The following UHRF1 variants were observed in gnomAD, a reference collection of about 807,000 sequenced individuals.
UHRF1 encodes E3 ubiquitin-protein ligase UHRF1.
UHRF1 carries 9 observed loss-of-function variants against 96.5 expected under a neutral mutation model. The ratio of observed to expected loss-of-function variants is 0.09; its 90% confidence interval spans 0.06 to 0.16. The LOEUF (loss-of-function observed/expected upper bound fraction) is 0.16. Among genes scored for constraint, UHRF1 ranks in the 10% least tolerant of loss-of-function variants. The probability of loss-of-function intolerance (pLI) is 1.00; values close to 1 mark genes in which losing one functional copy is unlikely to be tolerated. For synonymous variants in UHRF1, 455 were observed against 469.9 expected, an observed-to-expected ratio of 0.97 and a Z score of 0.41; for missense variants, 626 against 1,131.1, an observed-to-expected ratio of 0.55 and a Z score of 6.40.
rs1220814674 is a variant in UHRF1, at chr19:4,941,732, G to GC, written c.887-9dup. The GC allele has an allele frequency of 6.5e-7, 1 of 1,546,464 alleles. No individual in the cohort carries two copies. Among genetic ancestry groups the GC allele is most frequent in the Non-Finnish European group, 8.7e-7 (1 of 1,145,028 alleles). ...GGGCCCCGCCGGAGCTGACCCTGCC[G>GC]CCCCGTGCCCAGGGAAGAGCGGGCC... is the stretch of plus-strand genomic sequence containing the variant. On this transcript the variant is annotated splice_polypyrimidine_tract_variant and intron_variant, in intron 6 of 16. Coordinates refer to ENST00000650932, the MANE Select transcript of UHRF1 (RefSeq NM_001048201.3).
rs578084078 is a variant in UHRF1, at chr19:4,941,453, G to A, written c.786-75G>A. The stretch of plus-strand genomic sequence containing the variant: ...GTTGCCCCAGGCATCCCGAGAACCC[G>A]TGGTGTTCAAGTGCTGTGAGTAGAT... On this transcript the variant is annotated intron_variant, in intron 5 of 16. Coordinates refer to ENST00000650932, the MANE Select transcript of UHRF1 (RefSeq NM_001048201.3). The A allele has an allele frequency of 1.8e-5, 21 of 1,165,260 alleles. No individual in the cohort carries two copies. The East Asian group carries it at 3.0e-4, about 17-fold the overall frequency. The allele number at this position is 1,165,260 out of a possible 1,614,324, so 72.2% of individuals were successfully genotyped here.
intron 9 of UHRF1, among the ~76,000 whole-genome samples, chr19:4,945,174 T>C (rs1432789149): frequency 4.6e-5 from 7 of 152,204 alleles, no homozygotes; most frequent in African/African-American, 1.7e-4. Flanking sequence ...TCAAGGCATT[T>C]TGTGGAGTGA....
At chr19:4,946,915 A>G (rs1485735321) in intron 10 of UHRF1, among the ~76,000 whole-genome samples, 190 bp from the exon 11 acceptor site, 1 of 152,032 alleles carries the variant, frequency 6.6e-6, no homozygotes, top group Admixed American at 6.6e-5. Context: ...CACTGTTTGT[A>G]TAGTCGCTTT....
At chr19:4,938,553 G>C (rs190998168) in intron 5 of UHRF1, among the ~76,000 whole-genome samples, 1 of 151,386 alleles carries the variant, frequency 6.6e-6, no homozygotes, top group East Asian at 1.9e-4. Context: ...TTTGAGACAA[G>C]GTCTCACTCT....
upstream of UHRF1, among the ~76,000 whole-genome samples, chr19:4,905,071 A>G (rs1284654094): frequency 1.3e-5 from 2 of 150,778 alleles, no homozygotes; most frequent in Non-Finnish European, 2.9e-5. Context: ...CATTTGGCCC[A>G]GGATGGAATA....
At chr19:4,924,054 C>T (rs920756015) in intron 2 of UHRF1, among the ~76,000 whole-genome samples, 14 of 152,230 alleles carry the variant, frequency 9.2e-5, no homozygotes, top group African/African-American at 3.4e-4. Flanking sequence ...GCAACCTCCA[C>T]CTCCCAGGTT....
At chr19:4,903,526 A>G (rs1238435921) in exon 1 of UHRF1, 2 of 150,792 alleles carry the variant, frequency 1.3e-5, no homozygotes, top group Non-Finnish European at 2.9e-5. Context: ...ATTTTTTGTG[A>G]TGGTCTCACT....
intron 1 of UHRF1, among the ~76,000 whole-genome samples, chr19:4,909,946 G>T (rs922294990): frequency 4.6e-5 from 7 of 151,282 alleles, no homozygotes; most frequent in East Asian, 2.0e-4. Context: ...GCCTGCGCGC[G>T]GGGCGCCCCG....
At chr19:4,921,370 C>T (rs537371337) in intron 2 of UHRF1, among the ~76,000 whole-genome samples, 3 of 152,102 alleles carry the variant, frequency 2.0e-5, no homozygotes, top group African/African-American at 2.4e-5. Flanking sequence ...ACCTGGGAGG[C>T]GGAGGTTGCA....
intron 2 of UHRF1, among the ~76,000 whole-genome samples, chr19:4,925,546 C>A (rs1353577312): frequency 6.6e-6 from 1 of 152,006 alleles, no homozygotes; most frequent in East Asian, 1.9e-4. Context: ...TTTCTTAAGA[C>A]AGTCTTGCTC....
Position 4,954,812 on chromosome 19 carries a change from G to A in UHRF1, c.2120G>A (p.Ser707Asn), listed in dbSNP as rs1232429385. The A allele has an allele frequency of 6.2e-7, 1 of 1,613,578 alleles. No individual in the cohort carries two copies. The highest frequency in any genetic ancestry group is 8.5e-7 in the Non-Finnish European group (1 of 1,179,808). The change falls in exon 15 of 17, where the codon AGC (serine) becomes AAC (asparagine). Residue 707 changes from serine to asparagine, a missense_variant. Physicochemically the swap from Ser to Asn is conservative, Grantham distance 46. Transcript: ENST00000650932. The surrounding 1 kb of genome is among the most constrained non-coding windows in gnomAD (Gnocchi z 5.9). The stretch of plus-strand genomic sequence containing the variant: ...GCGTCACTCAAGGACCGGCCGGCGA[G>A]CGGCAGCCCGGTAGGCTCGCACGGC... ...VLASLKDRPASGSPFQLFLSK... is the reference protein window; with the variant it reads ...VLASLKDRPANGSPFQLFLSK...
At chr19:4,937,487 G>A (rs1191917010) in intron 5 of UHRF1, among the ~76,000 whole-genome samples, 1 of 151,892 alleles carries the variant, frequency 6.6e-6, no homozygotes, top group Admixed American at 6.6e-5. Context: ...TCAGCCTCTG[G>A]AGTAGCTGGG....
In UHRF1 at chr19:4,916,603, G is replaced by A. The variant is rs533511095; in HGVS notation, c.153+5565G>A. Among the ~76,000 whole-genome samples the A allele has an allele frequency of 1.5e-4, 23 of 152,186 alleles. No individual in the cohort carries two copies. The South Asian group carries it at 4.4e-3, about 29-fold the overall frequency. On this transcript the variant is annotated intron_variant, in intron 2 of 16. Transcript: ENST00000650932. ...TTCCGCTGTCACTAGCCCTCCACCC[G>A]TCCTGTGTGCTGGGATGCCCTCGCG...
chr19:4,911,169 G>C, intron 2 of UHRF1, 131 bp downstream of exon 2: 1 of 872,798 alleles, frequency 1.1e-6, no homozygotes, highest in Non-Finnish European at 1.7e-6. Flanking sequence ...ATCTCTCCCG[G>C]AAGGAGAAGT....
At chr19:4,958,277 C>T (rs980869137) in intron 16 of UHRF1, among the ~76,000 whole-genome samples, 3 of 152,204 alleles carry the variant, frequency 2.0e-5, no homozygotes, top group East Asian at 1.9e-4. Flanking sequence ...ACCTCTCAGG[C>T]GTGCAGGCAC....
intron 5 of UHRF1, among the ~76,000 whole-genome samples, chr19:4,941,096 T>G (rs1269240016): frequency 3.1e-4 from 43 of 139,772 alleles, no homozygotes; most frequent in Non-Finnish European, 5.7e-4. Context: ...TTTTTTTTTT[T>G]TTTTTTTTTT....
At chr19:4,929,651 G>A (rs1378257418) in intron 3 of UHRF1, among the ~76,000 whole-genome samples, 175 bp downstream of exon 3, 1 of 151,164 alleles carries the variant, frequency 6.6e-6, no homozygotes, top group Non-Finnish European at 1.5e-5. Flanking sequence ...GGTACCCTGG[G>A]ATTCCTTTGT....
At chr19:4,913,173 T>A (rs2032350429) in intron 2 of UHRF1, among the ~76,000 whole-genome samples, 1 of 151,612 alleles carries the variant, frequency 6.6e-6, no homozygotes, top group African/African-American at 2.4e-5. Flanking sequence ...ACTTGAGTCA[T>A]ACAATAGTGT....
upstream of UHRF1, among the ~76,000 whole-genome samples, chr19:4,907,871 C>T (rs1398925291): frequency 6.6e-6 from 1 of 151,982 alleles, no homozygotes; most frequent in Non-Finnish European, 1.5e-5. Context: ...TGCCACCACG[C>T]CAGGCTAATT....
Sources: gnomAD v4.1 joint callset for allele counts (sites outside exome capture counted in the v4.1 genomes callset) on GRCh38, gnomAD v4.1.1 for gene constraint, Gnocchi (gnomAD v3.1) non-coding constraint, MANE v1.5 for transcripts, NCBI Gene and HGNC (gene_info 2026-07-23, HGNC 2026-07-21) for gene names.